DSCAM: variants seen among roughly 807,000 people sequenced by gnomAD.
DSCAM encodes DS cell adhesion molecule, also known as cell adhesion molecule DSCAM.
In DSCAM, 47 loss-of-function variants were observed where a neutral mutation model predicts 217.7. That is an observed-to-expected ratio of 0.22 (90% CI 0.17 to 0.28). The LOEUF (loss-of-function observed/expected upper bound fraction) is 0.28, where lower values mean the gene tolerates loss of function less well. DSCAM is among the 10% of genes least tolerant of loss of function. The probability of loss-of-function intolerance (pLI) is 1.00; values close to 1 mark genes in which losing one functional copy is unlikely to be tolerated. For synonymous variants in DSCAM, 1,056 were observed against 1,015.3 expected, an observed-to-expected ratio of 1.04 and a Z score of -0.76; for missense variants, 2,080 against 2,618.3, an observed-to-expected ratio of 0.79 and a Z score of 4.49.
At chr21:40,830,396 C>T (rs1019669461) in intron 1 of DSCAM, among the ~76,000 whole-genome samples, 10 of 152,220 alleles carry the variant, frequency 6.6e-5, no homozygotes, top group East Asian at 1.9e-4. Context: ...GTGATCCAAA[C>T]GTCTCCCACC....
intron 4 of DSCAM, among the ~76,000 whole-genome samples, chr21:40,368,710 C>T (rs2074860890): frequency 6.6e-6 from 1 of 152,128 alleles, no homozygotes; most frequent in Non-Finnish European, 1.5e-5. Context: ...GGATATTTAC[C>T]ACAGGGGGGC....
chr21:40,050,381 G>A lies in DSCAM; in HGVS notation c.5185+1577C>T, dbSNP rs149472611. On this transcript the variant is annotated intron_variant, in intron 30 of 32. Transcript: ENST00000400454. ...CTTTTTCTGATTTAGCAGCAAAAAA[G>A]TGGCTCTTAAACCCATTGGAGCAGT... Among the ~76,000 whole-genome samples, 96 of 152,290 alleles carry A rather than the reference G, an allele frequency of 6.3e-4. 1 individual carries two copies. Among genetic ancestry groups the A allele is most frequent in the African/African-American group, 2.2e-3 (92 of 41,564 alleles).
chr21:40,015,477 T>C (rs1165336916), intron 32 of DSCAM, among the ~76,000 whole-genome samples: 3 of 151,724 alleles, frequency 2.0e-5, no homozygotes, highest in African/African-American at 7.3e-5. Flanking sequence ...TTGCCCAGGC[T>C]AGAGTGCAAT....
chr21:40,286,302 G>C (rs1456934283), intron 10 of DSCAM, among the ~76,000 whole-genome samples: 2 of 152,302 alleles, frequency 1.3e-5, no homozygotes, highest in East Asian at 3.9e-4. Context: ...TCTGAGCAAA[G>C]CCTGTGGAAC....
chr21:40,597,911 A>G (rs1343275717), intron 3 of DSCAM, among the ~76,000 whole-genome samples: 2 of 152,160 alleles, frequency 1.3e-5, no homozygotes, highest in African/African-American at 4.8e-5. Context: ...TCAACTTCCT[A>G]TATTATGAAC....
chr21:40,509,058 C>A (rs1045237959), intron 3 of DSCAM, among the ~76,000 whole-genome samples: 8 of 151,796 alleles, frequency 5.3e-5, no homozygotes, highest in African/African-American at 1.9e-4. Flanking sequence ...CTCCCTAATA[C>A]CTAAAACACA....
At position 40,272,237 on chromosome 21, in the gene DSCAM, C is replaced by T. The variant is rs182912835; in HGVS notation, c.2356+3860G>A. Reference sequence around the variant, plus strand: ...CAAATTTGATTGCAAGCAGAGCCTACTCCCTCTGCCTTTTCTGCCAAGCCT... The same window carrying T: ...CAAATTTGATTGCAAGCAGAGCCTATTCCCTCTGCCTTTTCTGCCAAGCCT... On this transcript the variant is annotated intron_variant, in intron 11 of 32. Coordinates refer to ENST00000400454, the MANE Select transcript of DSCAM (RefSeq NM_001389.5). 1.6e-3 allele frequency among the ~76,000 whole-genome samples: 238 copies of T among 152,262 alleles called. 1 individual carries two copies. The highest frequency in any genetic ancestry group is 3.9e-3 in the Admixed American group (59 of 15,292).
At chr21:40,637,012 G>C (rs1246451597) in intron 3 of DSCAM, among the ~76,000 whole-genome samples, 1 of 146,824 alleles carries the variant, frequency 6.8e-6, no homozygotes, top group Non-Finnish European at 1.5e-5. Context: ...ACCCCAAAGA[G>C]AGGTAACCCA....
chr21:40,372,936 G>A (rs1326435164), intron 3 of DSCAM, among the ~76,000 whole-genome samples: 1 of 152,130 alleles, frequency 6.6e-6, no homozygotes, highest in Non-Finnish European at 1.5e-5. Context: ...ATTAGCATAG[G>A]GGCCAGTGGG....
chr21:40,557,083 A>G (rs542440634), intron 3 of DSCAM, among the ~76,000 whole-genome samples: 24 of 152,246 alleles, frequency 1.6e-4, no homozygotes, highest in African/African-American at 5.5e-4. Context: ...GCACGGTTCA[A>G]ACCCATGTTG....
chr21:40,548,452 G>A (rs1324700157), intron 3 of DSCAM, among the ~76,000 whole-genome samples: 3 of 151,516 alleles, frequency 2.0e-5, no homozygotes, highest in Non-Finnish European at 4.4e-5. Context: ...AATGACCCGT[G>A]AGCAATTTAC....
At chr21:40,119,958 C>T (rs943701153) in intron 20 of DSCAM, among the ~76,000 whole-genome samples, 6 of 152,058 alleles carry the variant, frequency 3.9e-5, no homozygotes, top group African/African-American at 1.2e-4. Context: ...AGTCCCCTTT[C>T]GCTCTCAGCC....
rs1340483639 is a variant in DSCAM, at chr21:40,617,228, A to G, written c.508+75582T>C. ...AAGCTCCCCCTCCCAGGTTCACGCC[A>G]TTCTCCTGCCTCAGCCTCCTGAGTA... is the stretch of plus-strand genomic sequence containing the variant. On this transcript the variant is annotated intron_variant, in intron 3 of 32. Transcript: ENST00000400454. Among the ~76,000 whole-genome samples, 6 of 140,544 alleles carry G rather than the reference A, an allele frequency of 4.3e-5. No homozygotes were observed. The Admixed American group carries it at 4.4e-4, about 10-fold the overall frequency. The allele number at this position is 140,544 out of a possible 152,430, so 92.2% of individuals were successfully genotyped here.
intron 1 of DSCAM, among the ~76,000 whole-genome samples, chr21:40,779,658 T>C (rs1361018508): frequency 6.6e-6 from 1 of 152,122 alleles, no homozygotes; most frequent in Non-Finnish European, 1.5e-5. Flanking sequence ...GAAAATAAAA[T>C]AGGTGAGTTG....
intron 10 of DSCAM, among the ~76,000 whole-genome samples, chr21:40,294,311 TG>T (rs1306788163): frequency 6.6e-6 from 1 of 152,166 alleles, no homozygotes; most frequent in Non-Finnish European, 1.5e-5. Context: ...GAAGTAGAAG[TG>T]GTCTGTTAAC....
At chr21:40,027,399 A>G (rs1331961059) in intron 32 of DSCAM, among the ~76,000 whole-genome samples, 2 of 151,872 alleles carry the variant, frequency 1.3e-5, no homozygotes, top group Admixed American at 6.6e-5. Flanking sequence ...CATTCTCTGT[A>G]TTTCCTGAAT....
At chr21:40,699,530 A>G (rs995863193) in intron 2 of DSCAM, among the ~76,000 whole-genome samples, 2 of 152,240 alleles carry the variant, frequency 1.3e-5, no homozygotes, top group African/African-American at 2.4e-5. Context: ...AATGCATAGG[A>G]AAAGTTCTTG....
At chr21:40,281,303 G>A (rs766721099) in intron 10 of DSCAM, among the ~76,000 whole-genome samples, 20 of 152,096 alleles carry the variant, frequency 1.3e-4, no homozygotes, top group Non-Finnish European at 2.8e-4. Flanking sequence ...TATTGGTATG[G>A]CTTATAGTAA....
In DSCAM at chr21:40,349,136, C is replaced by CAAAAAAAAAAAAAAAAAAAAAAAAAA. The variant is rs758386936; in HGVS notation, c.935-1192_935-1191insTTTTTTTTTTTTTTTTTTTTTTTTTT. On this transcript the variant is annotated intron_variant, in intron 5 of 32. Coordinates refer to ENST00000400454, the MANE Select transcript of DSCAM (RefSeq NM_001389.5). Reference sequence around the variant, plus strand: ...TGGGGGACAGAGTGAGACTCCATCTCAAAAAAAAAAAAAAAAAAAGAAATG... The same window carrying CAAAAAAAAAAAAAAAAAAAAAAAAAA: ...TGGGGGACAGAGTGAGACTCCATCTCAAAAAAAAAAAAAAAAAAAAAAAAAAAAAAAAAAAAAAAAAAAAAGAAATG... Among the ~76,000 whole-genome samples, 172 of 38,646 alleles carry CAAAAAAAAAAAAAAAAAAAAAAAAAA rather than the reference C, an allele frequency of 4.5e-3. 11 individuals are homozygous for CAAAAAAAAAAAAAAAAAAAAAAAAAA. Among genetic ancestry groups the CAAAAAAAAAAAAAAAAAAAAAAAAAA allele is most frequent in the Non-Finnish European group, 5.9e-3 (122 of 20,716 alleles). The allele number at this position is 38,646 out of a possible 152,430, so 25.4% of individuals were successfully genotyped here.
Sources: allele counts gnomAD v4.1 joint callset (sites outside exome capture counted in the v4.1 genomes callset), GRCh38; gene constraint gnomAD v4.1.1; transcripts MANE v1.5; gene names NCBI Gene and HGNC (gene_info 2026-07-23, HGNC 2026-07-21).